Variants in CASC3 observed in about 807,000 individuals in gnomAD.
The protein encoded by CASC3 is protein CASC3.
A neutral mutation model predicts 80.5 loss-of-function variants in CASC3; 30 were observed. The observed-to-expected ratio is 0.37, with a 90% CI of 0.28 to 0.51. The LOEUF (loss-of-function observed/expected upper bound fraction) is 0.51. Among genes scored for constraint, CASC3 ranks in the 20% least tolerant of loss-of-function variants. The pLI is 0.94. For missense variants in CASC3, 824 were observed against 922.2 expected, an observed-to-expected ratio of 0.89 and a Z score of 1.38; for synonymous variants, 312 against 333.6, an observed-to-expected ratio of 0.94 and a Z score of 0.70.
rs1364686655 is a variant in CASC3 at position 40,163,880 on chromosome 17, T to A, written c.1185T>A (p.Pro395=). 1 of 1,614,110 alleles carries A rather than the reference T, an allele frequency of 6.2e-7. No individual in the cohort carries two copies. Among genetic ancestry groups the A allele is most frequent in the South Asian group, 1.1e-5 (1 of 91,080 alleles). ...CTCCTGATGCTGCACCACCACCCCC[T>A]GATAGGCCCATTGAGAAGAAATCCT... ...AAAPDAAPPP[P]DRPIEKKSYS... The change falls in exon 7 of 14, where the codon CCT becomes CCA. Residue 395 remains proline, a synonymous_variant. Transcript: ENST00000264645.
intron 3 of CASC3, among the ~76,000 whole-genome samples, chr17:40,153,393 A>G (rs1989060248): frequency 6.6e-6 from 1 of 152,196 alleles, no homozygotes; most frequent in South Asian, 2.1e-4. Flanking sequence ...ACCCAACAAC[A>G]GACACGAGTT....
intron 3 of CASC3, among the ~76,000 whole-genome samples, chr17:40,154,735 G>T (rs1049568619): frequency 6.6e-6 from 1 of 152,078 alleles, no homozygotes; most frequent in Non-Finnish European, 1.5e-5. Flanking sequence ...GATGCTTTTG[G>T]TGTTAGGTAT....
chr17:40,165,076 G>A (rs1422441159), intron 7 of CASC3, among the ~76,000 whole-genome samples: 4 of 150,954 alleles, frequency 2.6e-5, no homozygotes, highest in South Asian at 2.1e-4. Flanking sequence ...GCCCACCACC[G>A]CGACTGGCTA....
Position 40,141,230 on chromosome 17 carries a change from T to G in CASC3, c.255T>G (p.Gly85=), listed in dbSNP as rs1988707706. The change falls in exon 2 of 14, where the codon GGT becomes GGG. Residue 85 remains glycine (G), a synonymous_variant. Coordinates refer to ENST00000264645, the MANE Select transcript of CASC3 (RefSeq NM_007359.5). ...SECESEDGIE[G]DAVLSDYESA... ...AGGAGAGTGAAGATGGCATTGAAGG[T>G]GATGGTGAGTAGCATCTTTTACCCC... 6.2e-7 allele frequency: 1 copy of G among 1,613,814 alleles called. No homozygotes were observed. The highest frequency in any genetic ancestry group is 8.5e-7 in the Non-Finnish European group (1 of 1,179,676).
At position 40,167,522 on chromosome 17, in the gene CASC3, C is replaced by T. The variant is rs1989481228; in HGVS notation, c.1561C>T (p.Arg521Cys). 4 of 1,613,928 alleles carry T rather than the reference C, an allele frequency of 2.5e-6. No homozygotes were observed. Among genetic ancestry groups the T allele is most frequent in the African/African-American group, 1.3e-5 (1 of 74,896 alleles). Residue 521 changes from arginine (R) to cysteine (C), a missense_variant, in exon 9 of 14, where the codon CGC becomes TGC. By Grantham distance (180) the Arg-to-Cys change is radical. Coordinates refer to ENST00000264645, the MANE Select transcript of CASC3 (RefSeq NM_007359.5). The stretch of plus-strand genomic sequence containing the variant: ...GGGTGTCCAGGGTGGTCGAGCCAAA[C>T]GCTATTCATCCCAGCGGCAAAGACC... ...EMGVQGGRAK[R>C]YSSQRQRPVP... is the part of the protein sequence containing the mutation.
chr17:40,144,871 T>C (rs889528176), intron 3 of CASC3, among the ~76,000 whole-genome samples: 3 of 150,102 alleles, frequency 2.0e-5, no homozygotes, highest in African/African-American at 7.3e-5. Context: ...GTTTTTTTTT[T>C]TTTTATTGAG....
rs199980535 is a variant in CASC3 at position 40,157,487 on chromosome 17, GCA to G, written c.298-4265_298-4264del. On this transcript the variant is annotated intron_variant, in intron 3 of 13. Coordinates refer to ENST00000264645, the MANE Select transcript of CASC3 (RefSeq NM_007359.5). ...GCTCAGGACTTTGAGACCAGCCTGGGCAACATGGTGAAACCTTATCTCTACTA... is the reference window on the plus strand; with the variant it reads ...GCTCAGGACTTTGAGACCAGCCTGGGACATGGTGAAACCTTATCTCTACTA... Among the ~76,000 whole-genome samples, 189 of 152,150 alleles carry G rather than the reference GCA, an allele frequency of 1.2e-3. 2 individuals carry two copies. In the East Asian group the frequency reaches 0.033, roughly 27 times the overall value.
chr17:40,141,748 C>T, intron 3 of CASC3, 141 bp downstream of exon 3: 1 of 769,810 alleles, frequency 1.3e-6, no homozygotes, highest in South Asian at 1.6e-5. Context: ...AAAAGTGTTA[C>T]AGAAGGTCTT....
At chr17:40,169,468 C>T in intron 12 of CASC3, 22 bp downstream of exon 12, 1 of 1,598,690 alleles carries the variant, frequency 6.3e-7, no homozygotes, top group Non-Finnish European at 8.5e-7. Context: ...CCTTCCTATA[C>T]TTAATGCACA....
intron 7 of CASC3, among the ~76,000 whole-genome samples, 193 bp downstream of exon 7, chr17:40,164,359 G>A (rs1247170725): frequency 1.3e-5 from 2 of 152,008 alleles, no homozygotes; most frequent in Non-Finnish European, 2.9e-5. Context: ...CGCCTCCCAG[G>A]TTCAAGTGAT....
chr17:40,169,463 C>CT lies in CASC3; in HGVS notation c.2088+18dup. 6.2e-7 allele frequency: 1 copy of CT among 1,601,560 alleles called. No homozygotes were observed. The highest frequency in any genetic ancestry group is 2.2e-5 in the East Asian group (1 of 44,530). Reference sequence around the variant, plus strand: ...CCACCTGAGGTATGAGAGTTCCTTCCTATACTTAATGCACATGCTCCGTCA... The same window carrying CT: ...CCACCTGAGGTATGAGAGTTCCTTCCTTATACTTAATGCACATGCTCCGTCA... On this transcript the variant is annotated intron_variant, in intron 12 of 13. Transcript: ENST00000264645.
chr17:40,168,474 A>T, intron 11 of CASC3, 57 bp downstream of exon 11: 1 of 1,486,254 alleles, frequency 6.7e-7, no homozygotes, highest in African/African-American at 1.4e-5. Context: ...TCAGACAGGA[A>T]TGTGGTATGG....
Position 40,168,358 on chromosome 17 carries a change from C to A in CASC3, c.1906C>A (p.Pro636Thr). Residue 636 changes from proline to threonine, a missense_variant, in exon 11 of 14, where the codon CCT becomes ACT. Pro to Thr is a conservative substitution (Grantham distance 38). Around this residue, in one of 3 missense-constraint regions of CASC3, gnomAD observed 464 missense variants for 506.0 expected, o/e 0.92. Coordinates refer to ENST00000264645, the MANE Select transcript of CASC3 (RefSeq NM_007359.5). ...GVMNFGNPSYPYAPGALPPPP... is the reference protein window; with the variant it reads ...GVMNFGNPSYTYAPGALPPPP... The stretch of plus-strand genomic sequence containing the variant: ...CATGAACTTTGGTAATCCCAGTTAC[C>A]CTTATGCTCCAGGGGCACTGCCTCC... The A allele has an allele frequency of 6.2e-7, 1 of 1,614,018 alleles. No individual in the cohort carries two copies. Among genetic ancestry groups the A allele is most frequent in the Non-Finnish European group, 8.5e-7 (1 of 1,179,984 alleles).
rs1989365531 is a variant in CASC3 at position 40,163,650 on chromosome 17, T to G, written c.955T>G (p.Phe319Val). 1 of 1,613,950 alleles carries G rather than the reference T, an allele frequency of 6.2e-7. No individual in the cohort carries two copies. Among genetic ancestry groups the G allele is most frequent in the African/African-American group, 1.3e-5 (1 of 74,874 alleles). The change falls in exon 7 of 14, where the codon TTC becomes GTC. Residue 319 changes from phenylalanine to valine, a missense_variant. This residue lies in a region of CASC3 where 464 missense variants were observed against 506.0 expected (regional missense o/e 0.92). Transcript: ENST00000264645. ...CAGGAATTATTCTCGATCTGGGGGC[T>G]TCAAGGAAGGTCGTGCTGGTTTTAG... is the stretch of plus-strand genomic sequence containing the variant. ...APRNYSRSGGFKEGRAGFRPV... is the reference protein window; with the variant it reads ...APRNYSRSGGVKEGRAGFRPV...
At chr17:40,142,963 T>C (rs1022082096) in intron 3 of CASC3, among the ~76,000 whole-genome samples, 5 of 151,538 alleles carry the variant, frequency 3.3e-5, no homozygotes, top group African/African-American at 1.2e-4. Flanking sequence ...GATGCATGCC[T>C]GTAATCGCAG....
intron 3 of CASC3, among the ~76,000 whole-genome samples, chr17:40,156,904 A>G (rs1177467202): frequency 6.6e-6 from 1 of 152,012 alleles, no homozygotes; most frequent in Non-Finnish European, 1.5e-5. Flanking sequence ...TTAGCTGGGC[A>G]TGATGGCACG....
rs138685431 is a variant in CASC3, at chr17:40,167,563, C to T, written c.1602C>T (p.Pro534=). 42 of 1,613,952 alleles carry T rather than the reference C, an allele frequency of 2.6e-5. No individual in the cohort carries two copies. The highest frequency in any genetic ancestry group is 1.6e-4 in the Middle Eastern group (1 of 6,084). The change falls in exon 9 of 14, where the codon CCC becomes CCT. Residue 534 remains proline, a synonymous_variant. Transcript: ENST00000264645. ...GGCAAAGACCTGTGCCAGAGCCCCC[C>T]GCCCCTCCAGTGCATATCAGTATCA... ...SQRQRPVPEP[P]APPVHISIME...
At chr17:40,165,249 G>C (rs1396049336) in intron 7 of CASC3, among the ~76,000 whole-genome samples, 1 of 151,580 alleles carries the variant, frequency 6.6e-6, no homozygotes, top group Non-Finnish European at 1.5e-5. Flanking sequence ...ATTTTTCATA[G>C]AGATGGGGTT....
Position 40,168,398 on chromosome 17 carries a change from A to T in CASC3, c.1946A>T (p.His649Leu). ...PGALPPPPPP[H>L]LYPNTQAPSQ... ...GCACTGCCTCCCCCACCACCGCCTC[A>T]TCTGTATCCTAATACACAGGTGAGA... is the stretch of plus-strand genomic sequence containing the variant. The change falls in exon 11 of 14, where the codon CAT becomes CTT. Residue 649 changes from histidine (H) to leucine (L), a missense_variant. This residue lies in a region of CASC3 where 464 missense variants were observed against 506.0 expected (regional missense o/e 0.92). Transcript: ENST00000264645. 3 of 1,613,996 alleles carry T rather than the reference A, an allele frequency of 1.9e-6. No homozygotes were observed. Among genetic ancestry groups the T allele is most frequent in the Non-Finnish European group, 2.5e-6 (3 of 1,179,922 alleles).
Sources: allele counts gnomAD v4.1 joint callset (sites outside exome capture counted in the v4.1 genomes callset), GRCh38; gene constraint gnomAD v4.1.1; regional missense constraint gnomAD v4.1.1; transcripts MANE v1.5; gene names NCBI Gene and HGNC (gene_info 2026-07-23, HGNC 2026-07-21).